The following KCNK13 variants were observed in gnomAD, a reference collection of about 807,000 sequenced individuals.
KCNK13 encodes potassium channel subfamily K member 13.
In KCNK13, 12 loss-of-function variants were observed where a neutral mutation model predicts 23.4. The observed-to-expected ratio is 0.51, with a 90% CI of 0.33 to 0.83. The LOEUF is 0.83. Ranked by LOEUF, KCNK13 falls within the 40% of genes least tolerant of loss-of-function variation. The pLI is 0.02. For synonymous variants in KCNK13, 231 were observed against 229.5 expected (o/e 1.01, Z -0.06); for missense variants, 463 against 556.3 (o/e 0.83, Z 1.69).
Position 90,065,209 on chromosome 14 carries a change from T to C in KCNK13, c.334+2670T>C, listed in dbSNP as rs143165816. Among the ~76,000 whole-genome samples, 744 of 152,326 alleles carry C rather than the reference T, an allele frequency of 4.9e-3. 8 individuals carry two copies. The highest frequency in any genetic ancestry group is 0.017 in the African/African-American group (722 of 41,570). On this transcript the variant is annotated intron_variant, in intron 1 of 1. Coordinates refer to ENST00000282146, the MANE Select transcript of KCNK13 (RefSeq NM_022054.4). ...GCATTTTTATTGTAACATTACATGA[T>C]GGTGTTTTTCCTCTAAAAATTAATT...
At chr14:90,143,268 C>T (rs1245394404) in intron 1 of KCNK13, among the ~76,000 whole-genome samples, 3 of 148,668 alleles carry the variant, frequency 2.0e-5, no homozygotes, top group Admixed American at 1.4e-4. Context: ...AATGCGGTAG[C>T]GTGATCTCGG....
intron 1 of KCNK13, among the ~76,000 whole-genome samples, chr14:90,174,492 C>T (rs1425204513): frequency 6.6e-6 from 1 of 152,054 alleles, no homozygotes; most frequent in Non-Finnish European, 1.5e-5. Context: ...CAGAGCCAAA[C>T]CATATCACGT....
At chr14:90,096,498 C>T (rs1459629657) in intron 1 of KCNK13, among the ~76,000 whole-genome samples, 2 of 152,170 alleles carry the variant, frequency 1.3e-5, no homozygotes, top group African/African-American at 2.4e-5. Flanking sequence ...TACAATAAAA[C>T]ATAATAAATT....
intron 1 of KCNK13, among the ~76,000 whole-genome samples, chr14:90,103,623 C>T (rs935518616): frequency 6.6e-6 from 1 of 152,124 alleles, no homozygotes; most frequent in Non-Finnish European, 1.5e-5. Flanking sequence ...AATGCAATGG[C>T]GTGATCTTAG....
intron 1 of KCNK13, among the ~76,000 whole-genome samples, chr14:90,143,171 C>CTTTCTTTCTTTCTTTCTTTCT (rs1555352138): frequency 0.14 from 16,786 of 123,370 alleles, 1,659 homozygotes; most frequent in East Asian, 0.39. Context: ...TTCTTTCTTT[C>CTTTCTTTCTTTCTTTCTTTCT]TTTCTTTTCT....
intron 1 of KCNK13, 140 bp from the exon 2 acceptor site, chr14:90,183,971 C>T (rs1216962424): frequency 4.2e-5 from 31 of 741,872 alleles, no homozygotes; most frequent in Non-Finnish European, 6.2e-5. Flanking sequence ...GAGAATTCTC[C>T]TGCTCATTCC....
At chr14:90,121,459 T>C (rs17260625) in intron 1 of KCNK13, among the ~76,000 whole-genome samples, 9,349 of 152,268 alleles carry the variant, frequency 0.061, 403 homozygotes, top group South Asian at 0.15. Flanking sequence ...TGGTGTTTGA[T>C]CATTCCCAAG....
intron 1 of KCNK13, among the ~76,000 whole-genome samples, chr14:90,092,717 C>A (rs1032652647): frequency 6.6e-6 from 1 of 151,976 alleles, no homozygotes; most frequent in Non-Finnish European, 1.5e-5. Context: ...AGTTTGAGAC[C>A]AGCCTGGGCA....
chr14:90,111,004 T>C (rs572510124), intron 1 of KCNK13, among the ~76,000 whole-genome samples: 1 of 102,978 alleles, frequency 9.7e-6, no homozygotes, highest in South Asian at 5.0e-4. Context: ...AGCAGGACTT[T>C]TGTCTCAAAA....
At chr14:90,140,522 G>A (rs78802069) in intron 1 of KCNK13, among the ~76,000 whole-genome samples, 10 of 152,240 alleles carry the variant, frequency 6.6e-5, no homozygotes, top group African/African-American at 2.2e-4. Flanking sequence ...CCTTCCAGAC[G>A]AGTCCCCTCT....
intron 1 of KCNK13, among the ~76,000 whole-genome samples, chr14:90,145,390 C>A (rs1440406997): frequency 6.6e-6 from 1 of 152,068 alleles, no homozygotes; most frequent in Non-Finnish European, 1.5e-5. Context: ...AAGACCCTGT[C>A]TCAAAAAATT....
intron 1 of KCNK13, among the ~76,000 whole-genome samples, chr14:90,090,052 TCCCTACTGGGGGC>T (rs947870514): frequency 8.9e-4 from 135 of 151,902 alleles, no homozygotes; most frequent in African/African-American, 3.1e-3. Context: ...CAACAAAGAG[TCCCTACTGGGGGC>T]CCCTACTGGG....
chr14:90,150,608 A>G (rs1411414047), intron 1 of KCNK13, among the ~76,000 whole-genome samples: 1 of 152,208 alleles, frequency 6.6e-6, no homozygotes, highest in Non-Finnish European at 1.5e-5. Context: ...ACAGGAAGGC[A>G]GGTTTCCAGT....
chr14:90,149,707 C>G (rs937631289), intron 1 of KCNK13, among the ~76,000 whole-genome samples: 26 of 152,054 alleles, frequency 1.7e-4, no homozygotes, highest in Admixed American at 9.8e-4. Flanking sequence ...ATGAGGTCAT[C>G]ACAGCAGGCA....
In KCNK13 at chr14:90,181,554, G is replaced by C. The variant is rs369424748; in HGVS notation, c.335-2557G>C. Among the ~76,000 whole-genome samples, 14 of 152,264 alleles carry C rather than the reference G, an allele frequency of 9.2e-5. No individual in the cohort carries two copies. In the East Asian group the frequency reaches 2.5e-3, roughly 27 times the overall value. ...ATGGATCTCAACATATGAATTTGGG[G>C]GGCACATAAACACTCAGACCACGGC... is the stretch of plus-strand genomic sequence containing the variant. On this transcript the variant is annotated intron_variant, in intron 1 of 1. Transcript: ENST00000282146.
chr14:90,092,783 C>T (rs761961182), intron 1 of KCNK13, among the ~76,000 whole-genome samples: 1 of 151,892 alleles, frequency 6.6e-6, no homozygotes, highest in Non-Finnish European at 1.5e-5. Context: ...CCTGATGGTG[C>T]ATGCCTGTAA....
chr14:90,125,081 G>C (rs1241907404), intron 1 of KCNK13, among the ~76,000 whole-genome samples: 1 of 152,076 alleles, frequency 6.6e-6, no homozygotes, highest in Non-Finnish European at 1.5e-5. Flanking sequence ...GGAAGGAAAA[G>C]GGACGTTTTT....
At position 90,161,414 on chromosome 14, in the gene KCNK13, T is replaced by C. The variant is rs146223688; in HGVS notation, c.335-22697T>C. Among the ~76,000 whole-genome samples, 1,308 of 152,372 alleles carry C rather than the reference T, an allele frequency of 8.6e-3. 12 individuals carry two copies. The highest frequency in any genetic ancestry group is 0.027 in the Middle Eastern group (8 of 294). On this transcript the variant is annotated intron_variant, in intron 1 of 1. Transcript: ENST00000282146. The stretch of plus-strand genomic sequence containing the variant: ...GCATGTACTTACTGCTACTGAACTA[T>C]ACATTTTAAAATGGTGAAAATGGCA...
chr14:90,069,030 C>CTTTTTTTTTTTTTT (rs34881625), intron 1 of KCNK13, among the ~76,000 whole-genome samples: 1 of 90,122 alleles, frequency 1.1e-5, no homozygotes, highest in Non-Finnish European at 2.1e-5. Context: ...AGTTTTTATT[C>CTTTTTTTTTTTTTT]TTTTTTTTTT....
Sources: allele counts gnomAD v4.1 joint callset (sites outside exome capture counted in the v4.1 genomes callset), GRCh38; gene constraint gnomAD v4.1.1; transcripts MANE v1.5; gene names NCBI Gene and HGNC (gene_info 2026-07-23, HGNC 2026-07-21).